The following KCNE2 variants were observed in gnomAD, a reference collection of about 807,000 sequenced individuals.
The protein encoded by KCNE2 is potassium voltage-gated channel subfamily E regulatory subunit 2.
A neutral mutation model predicts 4.5 loss-of-function variants in KCNE2; 4 were observed. That is an observed-to-expected ratio of 0.89 (90% CI 0.44 to 2.03). The LOEUF is 2.03. KCNE2 is among the 30% of genes most tolerant of loss of function. The probability of loss-of-function intolerance (pLI) is 0.03; values close to 1 mark genes in which losing one functional copy is unlikely to be tolerated. For synonymous variants in KCNE2, 57 were observed against 55.9 expected, an observed-to-expected ratio of 1.02 and a Z score of -0.09; for missense variants, 137 against 151.4, an observed-to-expected ratio of 0.90 and a Z score of 0.50.
intron 1 of KCNE2, among the ~76,000 whole-genome samples, chr21:34,367,383 T>C (rs1251018831): frequency 6.6e-6 from 1 of 152,204 alleles, no homozygotes; most frequent in Non-Finnish European, 1.5e-5. Context: ...CCAGCTCAGC[T>C]AACTTTCACA....
At chr21:34,366,204 A>C (rs41314703) in intron 1 of KCNE2, among the ~76,000 whole-genome samples, 10 of 152,090 alleles carry the variant, frequency 6.6e-5, no homozygotes, top group African/African-American at 2.2e-4. Context: ...CCCTCATCTC[A>C]AAGACCTTTT....
At chr21:34,367,076 A>C (rs1979341460) in intron 1 of KCNE2, among the ~76,000 whole-genome samples, 1 of 148,956 alleles carries the variant, frequency 6.7e-6, no homozygotes, top group African/African-American at 2.5e-5. Context: ...TGGGGAGGTC[A>C]GGGAAAGTAC....
chr21:34,369,105 G>A lies in KCNE2; in HGVS notation c.-12-1362G>A, dbSNP rs965646265. Among the ~76,000 whole-genome samples, 14 of 152,256 alleles carry A rather than the reference G, an allele frequency of 9.2e-5. No individual in the cohort carries two copies. In the East Asian group the frequency reaches 1.9e-3, roughly 21 times the overall value. On this transcript the variant is annotated intron_variant, in intron 1 of 1. Coordinates refer to ENST00000290310, the MANE Select transcript of KCNE2 (RefSeq NM_172201.2). ...GGGAGGGAAGATGTCAGGTGTGACC[G>A]AACTGTAGTGAGCAAAGGGTAACTG...
rs752888066 is a variant in KCNE2, at chr21:34,370,810, A to G, written c.332A>G (p.His111Arg). 6.2e-7 allele frequency: 1 copy of G among 1,614,218 alleles called. No homozygotes were observed. Among genetic ancestry groups the G allele is most frequent in the South Asian group, 1.1e-5 (1 of 91,088 alleles). The change falls in exon 2 of 2, where the codon CAT becomes CGT. Residue 111 changes from histidine to arginine, a missense_variant. By Grantham distance (29) the His-to-Arg change is conservative. Coordinates refer to ENST00000290310, the MANE Select transcript of KCNE2 (RefSeq NM_172201.2). ...CTAGAAGAATCGAAGGCCACCATCC[A>G]TGAGAACATTGGTGCGGCTGGGTTC... ...LNLEESKATIHENIGAAGFKM... is the reference protein window; with the variant it reads ...LNLEESKATIRENIGAAGFKM...
chr21:34,368,229 A>ACAATATAT (rs781775671), intron 1 of KCNE2, among the ~76,000 whole-genome samples: 24 of 84,782 alleles, frequency 2.8e-4, no homozygotes, highest in South Asian at 1.3e-3. Context: ...ACACACACAC[A>ACAATATAT]ATATATATAT....
In KCNE2 at chr21:34,371,084, G is replaced by A. The variant is rs981526333; in HGVS notation, c.*234G>A. ...GTGCTGAAGACCTCTTTTACTTTCCGGGCAAGTGAATGTCATTTTAATCAA... is the reference window on the plus strand; with the variant it reads ...GTGCTGAAGACCTCTTTTACTTTCCAGGCAAGTGAATGTCATTTTAATCAA... On this transcript the variant is annotated 3_prime_UTR_variant, in exon 2 of 2. Transcript: ENST00000290310. 3.9e-5 allele frequency: 23 copies of A among 582,756 alleles called. No individual in the cohort carries two copies. The highest frequency in any genetic ancestry group is 2.6e-4 in the Admixed American group (8 of 30,964). 36.1% of individuals were successfully genotyped at this position (582,756 alleles called of 1,614,324 possible). A position where few individuals can be genotyped will look rare whatever the true frequency, so the allele number is the denominator to read the frequency against.
In KCNE2 at chr21:34,371,312, T is replaced by C. The variant is rs1040394619; in HGVS notation, c.*462T>C. 5 of 215,616 alleles carry C rather than the reference T, an allele frequency of 2.3e-5. No homozygotes were observed. Among genetic ancestry groups the C allele is most frequent in the East Asian group, 1.2e-4 (1 of 8,080 alleles). The allele number at this position is 215,616 out of a possible 1,614,324, so 13.4% of individuals were successfully genotyped here. ...CTATCACTTGCTTACCAGACGGACA[T>C]AGGAGCATTTATCTGTAATATTAAT... On this transcript the variant is annotated 3_prime_UTR_variant, in exon 2 of 2. Coordinates refer to ENST00000290310, the MANE Select transcript of KCNE2 (RefSeq NM_172201.2).
chr21:34,369,244 T>G (rs1979474325), intron 1 of KCNE2, among the ~76,000 whole-genome samples: 1 of 152,090 alleles, frequency 6.6e-6, no homozygotes, highest in East Asian at 1.9e-4. Flanking sequence ...TGCACTATAA[T>G]TTCCCTCTTC....
intron 1 of KCNE2, among the ~76,000 whole-genome samples, chr21:34,366,034 A>G (rs1979276875): frequency 6.6e-6 from 1 of 152,068 alleles, no homozygotes; most frequent in South Asian, 2.1e-4. Flanking sequence ...ATCAAAAAGC[A>G]CCTCCTGACC....
At chr21:34,366,925 G>A (rs554687951) in intron 1 of KCNE2, among the ~76,000 whole-genome samples, 24 of 128,452 alleles carry the variant, frequency 1.9e-4, no homozygotes, top group African/African-American at 7.0e-4. Flanking sequence ...CTTGCAGTAA[G>A]CCGAGATCGC....
chr21:34,368,197 T>TCACACA (rs534677357), intron 1 of KCNE2, among the ~76,000 whole-genome samples: 2 of 93,254 alleles, frequency 2.1e-5, no homozygotes, highest in East Asian at 3.4e-4. Flanking sequence ...AAACCAATAA[T>TCACACA]CACACACACA....
At chr21:34,368,584 A>G (rs1354259284) in intron 1 of KCNE2, among the ~76,000 whole-genome samples, 1 of 152,080 alleles carries the variant, frequency 6.6e-6, no homozygotes, top group Non-Finnish European at 1.5e-5. Context: ...TGGGTGACAG[A>G]GCGAGACTCC....
At chr21:34,368,227 ACAATATATAT>A (rs1400368523) in intron 1 of KCNE2, among the ~76,000 whole-genome samples, 4 of 56,398 alleles carry the variant, frequency 7.1e-5, no homozygotes, top group South Asian at 7.9e-4. Context: ...ACACACACAC[ACAATATATAT>A]ATATATATAT....
At position 34,371,090 on chromosome 21, in the gene KCNE2, G is replaced by C. The variant is rs773295544; in HGVS notation, c.*240G>C. The stretch of plus-strand genomic sequence containing the variant: ...AAGACCTCTTTTACTTTCCGGGCAA[G>C]TGAATGTCATTTTAATCAATATCAA... On this transcript the variant is annotated 3_prime_UTR_variant, in exon 2 of 2. Coordinates refer to ENST00000290310, the MANE Select transcript of KCNE2 (RefSeq NM_172201.2). 3 of 572,970 alleles carry C rather than the reference G, an allele frequency of 5.2e-6. No individual in the cohort carries two copies. The highest frequency in any genetic ancestry group is 9.5e-6 in the Non-Finnish European group (3 of 317,104). The allele number at this position is 572,970 out of a possible 1,614,324, so 35.5% of individuals were successfully genotyped here.
chr21:34,368,366 C>T (rs1027007442), intron 1 of KCNE2, among the ~76,000 whole-genome samples: 14 of 150,480 alleles, frequency 9.3e-5, no homozygotes, highest in African/African-American at 2.9e-4. Context: ...TTTGGGAGGC[C>T]GAGGCAGGTG....
chr21:34,368,555 G>A (rs918657065), intron 1 of KCNE2, among the ~76,000 whole-genome samples: 5 of 151,900 alleles, frequency 3.3e-5, no homozygotes, highest in South Asian at 2.1e-4. Flanking sequence ...AGCCAAGATC[G>A]CGCCACTGCA....
Position 34,367,797 on chromosome 21 carries a change from AG to A in KCNE2, c.-12-2669del, listed in dbSNP as rs374296493. Among the ~76,000 whole-genome samples the A allele has an allele frequency of 1.4e-3, 219 of 152,294 alleles. 1 individual carries two copies. The highest frequency in any genetic ancestry group is 4.9e-3 in the African/African-American group (205 of 41,566). On this transcript the variant is annotated intron_variant, in intron 1 of 1. Transcript: ENST00000290310. ...GAGACGGGCATGTCTTTAGAACGGC[AG>A]CAGGCAAACCCACTGCTGGGATCCT...
At chr21:34,364,462 C>T (rs1603057512) in intron 1 of KCNE2, among the ~76,000 whole-genome samples, 1 of 152,124 alleles carries the variant, frequency 6.6e-6, no homozygotes, top group Admixed American at 6.6e-5. Flanking sequence ...AGCGATCTAC[C>T]ATGTTTCAAG....
chr21:34,369,199 GAAC>G (rs1255206651), intron 1 of KCNE2, among the ~76,000 whole-genome samples: 2 of 152,126 alleles, frequency 1.3e-5, no homozygotes, highest in Admixed American at 6.6e-5. Context: ...TTGATTTTAA[GAAC>G]AACCATCGCA....
Sources: allele counts gnomAD v4.1 joint callset (sites outside exome capture counted in the v4.1 genomes callset), GRCh38; gene constraint gnomAD v4.1.1; transcripts MANE v1.5; gene names NCBI Gene and HGNC (gene_info 2026-07-23, HGNC 2026-07-21).